ZNF185: variants seen among roughly 807,000 people sequenced by gnomAD.
ZNF185 encodes the protein zinc finger protein 185 with LIM domain.
In ZNF185, 56 loss-of-function variants were observed where a neutral mutation model predicts 58.6. That is an observed-to-expected ratio of 0.95 (90% CI 0.77 to 1.19). The LOEUF is 1.19. Among genes scored for constraint, ZNF185 ranks in the 50% most tolerant of loss-of-function variants. The probability of loss-of-function intolerance (pLI) is 0.00; values close to 1 mark genes in which losing one functional copy is unlikely to be tolerated. For synonymous variants in ZNF185, 230 were observed against 215.9 expected (o/e 1.07, Z -0.57); for missense variants, 627 against 573.5 (o/e 1.09, Z -0.95).
At chrX:152,917,429 C>A in intron 5 of ZNF185, 67 bp downstream of exon 6, 2 of 1,126,732 alleles carry the variant, frequency 1.8e-6, no homozygotes, top group Non-Finnish European at 2.4e-6. Flanking sequence ...GGGCTCCTGG[C>A]AGAGACAGTG....
intron 1 of ZNF185, 31 bp downstream of exon 2, chrX:152,914,554 T>C: frequency 8.6e-7 from 1 of 1,161,739 alleles, no homozygotes; most frequent in Non-Finnish European, 1.2e-6. Context: ...TTTCCCAGGC[T>C]CTGTTTGGGG....
the ZNF185 span, among the ~76,000 whole-genome samples, chrX:152,901,201 C>G: frequency 1.8e-5 from 2 of 111,274 alleles, no homozygotes; most frequent in East Asian, 5.6e-4. Context: ...ATTTCTCATG[C>G]CTACTAAAGT....
chrX:152,954,137 TAAA>T (rs36068481), intron 16 of ZNF185, among the ~76,000 whole-genome samples: 1 of 94,629 alleles, frequency 1.1e-5, no homozygotes, highest in Non-Finnish European at 2.2e-5. Context: ...CACAAAATAA[TAAA>T]AAAAAAAAAG....
At chrX:152,918,138 G>C (rs375206118) in exon 6 of ZNF185, 26 of 1,192,792 alleles carry the variant, frequency 2.2e-5, no homozygotes, top group Non-Finnish European at 2.8e-5. Context: ...GATGACCACT[G>C]AGGATTACAA....
chrX:152,930,138 C>T (rs782738824), intron 12 of ZNF185, among the ~76,000 whole-genome samples: 2 of 112,306 alleles, frequency 1.8e-5, no homozygotes, highest in African/African-American at 6.5e-5. Flanking sequence ...CCAGAGCAGG[C>T]AGATCCGCTC....
At chrX:152,943,159 T>C (rs2047423953) in intron 15 of ZNF185, among the ~76,000 whole-genome samples, 1 of 111,091 alleles carries the variant, frequency 9.0e-6, no homozygotes, top group Non-Finnish European at 1.9e-5. Flanking sequence ...CACACACCAC[T>C]GCACCTGGCT....
intron 11 of ZNF185, among the ~76,000 whole-genome samples, chrX:152,924,651 G>GT (rs1556871431): frequency 1.4e-4 from 16 of 111,838 alleles, no homozygotes. Flanking sequence ...GCAATAAATG[G>GT]TTTCAGGTGC....
At chrX:152,902,605 C>T in the ZNF185 span, among the ~76,000 whole-genome samples, 3 of 113,053 alleles carry the variant, frequency 2.7e-5, no homozygotes, top group Non-Finnish European at 5.6e-5. Context: ...AGCCTGGGCA[C>T]CTCCTTGGGA....
At chrX:152,919,202 C>T (rs782510284) in intron 7 of ZNF185, 121 bp downstream of exon 8, 18 of 525,002 alleles carry the variant, frequency 3.4e-5, no homozygotes, top group South Asian at 9.0e-5. Flanking sequence ...AGGCCATCAG[C>T]GGTAGCCCAC....
exon 7 of ZNF185, chrX:152,919,060 C>T: frequency 8.3e-7 from 1 of 1,209,075 alleles, no homozygotes; most frequent in Non-Finnish European, 1.1e-6. Flanking sequence ...GTGCCATTCT[C>T]CTCAGATGAA....
At chrX:152,967,968 A>G (rs1399657749) in intron 20 of ZNF185, among the ~76,000 whole-genome samples, 1 of 111,955 alleles carries the variant, frequency 8.9e-6, no homozygotes, top group African/African-American at 3.2e-5. Context: ...GGATGTTTCT[A>G]CTCTGCCATC....
exon 22 of ZNF185, chrX:152,970,453 G>T (rs782400139): frequency 2.2e-5 from 27 of 1,207,099 alleles, no homozygotes; most frequent in Non-Finnish European, 2.9e-5. Context: ...TGTGGGATTT[G>T]CAGTAAACCG....
chrX:152,941,729 C>A, intron 15 of ZNF185: 1 of 1,164,112 alleles, frequency 8.6e-7, no homozygotes, highest in Non-Finnish European at 1.1e-6. Context: ...GGGACGAGCT[C>A]GGCCTCGGCG....
At chrX:152,923,185 C>A (rs1412100308) in intron 11 of ZNF185, among the ~76,000 whole-genome samples, 1 of 111,923 alleles carries the variant, frequency 8.9e-6, no homozygotes, top group Non-Finnish European at 1.9e-5. Flanking sequence ...CTTGGAAGAC[C>A]CCTGCATCCA....
At chrX:152,966,354 C>T (rs1248681139) in intron 19 of ZNF185, among the ~76,000 whole-genome samples, 2 of 111,486 alleles carry the variant, frequency 1.8e-5, no homozygotes, top group Non-Finnish European at 3.8e-5. Context: ...TGCTACCTAC[C>T]ACACTGAGGT....
chrX:152,928,656 C>A, exon 12 of ZNF185: 1 of 1,210,790 alleles, frequency 8.3e-7, no homozygotes, highest in Non-Finnish European at 1.1e-6. Context: ...ACGTGGAAGG[C>A]ATGAGGTATG....
At chrX:152,904,186 G>A in the ZNF185 span, among the ~76,000 whole-genome samples, 693 of 112,012 alleles carry the variant, frequency 6.2e-3, 7 homozygotes, top group African/African-American at 0.021. Flanking sequence ...CAGGCAGGTC[G>A]TGCACTCTGG....
At chrX:152,918,794 C>T (rs1218130331) in intron 6 of ZNF185, among the ~76,000 whole-genome samples, 189 bp from the exon 8 acceptor site, 1 of 111,438 alleles carries the variant, frequency 9.0e-6, no homozygotes, top group Non-Finnish European at 1.9e-5. Context: ...GCTGGGTAAC[C>T]TTTCTGGGGA....
intron 16 of ZNF185, among the ~76,000 whole-genome samples, chrX:152,958,731 CAA>C (rs782229640): frequency 1.2e-4 from 10 of 84,315 alleles, no homozygotes; most frequent in African/African-American, 1.4e-4. Flanking sequence ...AACTCCGTCT[CAA>C]AAAAAAAAAA....
Sources: gnomAD v4.1 joint callset for allele counts (sites outside exome capture counted in the v4.1 genomes callset) on GRCh38, gnomAD v4.1.1 for gene constraint, MANE v1.5 for transcripts, NCBI Gene and HGNC (gene_info 2026-07-23, HGNC 2026-07-21) for gene names.